The following ATP13A5 variants were observed in gnomAD, a reference collection of about 807,000 sequenced individuals.
ATP13A5 encodes ATPase 13A5.
In ATP13A5, 149 loss-of-function variants were observed where a neutral mutation model predicts 150.2. The ratio of observed to expected loss-of-function variants is 0.99; its 90% CI spans 0.87 to 1.14. ATP13A5 has a LOEUF of 1.14. ATP13A5 is among the 50% of genes most tolerant of loss of function. The pLI is 0.00. For synonymous variants in ATP13A5, 497 were observed against 522.2 expected, an observed-to-expected ratio of 0.95 and a Z score of 0.66; for missense variants, 1,383 against 1,449.3, an observed-to-expected ratio of 0.95 and a Z score of 0.74.
intron 1 of ATP13A5, among the ~76,000 whole-genome samples, chr3:193,365,412 C>T (rs1460320963): frequency 2.0e-5 from 3 of 152,114 alleles, no homozygotes; most frequent in East Asian, 1.9e-4. Context: ...GAGGCAGCCA[C>T]TCTATTTTGA....
chr3:193,284,775 C>T, intron 27 of ATP13A5, 139 bp downstream of exon 27: 1 of 715,702 alleles, frequency 1.4e-6, no homozygotes, highest in South Asian at 2.1e-5. Flanking sequence ...CCAACGATGA[C>T]CACTGCATTC....
rs1339868138 is a variant in ATP13A5 at position 193,362,590 on chromosome 3, C to A, written c.432G>T (p.Leu144=). The A allele has an allele frequency of 6.2e-7, 1 of 1,614,054 alleles. No homozygotes were observed. The highest frequency in any genetic ancestry group is 1.1e-5 in the South Asian group (1 of 91,084). ...VQKIRYVWND[L]EKRFQKVGLL... ...ACCCAACTTTCTGAAACCGCTTCTC[C>A]AGGTCGTTCCAAACATACCTGATTT... The change falls in exon 4 of 30, where the codon CTG becomes CTT. Residue 144 remains leucine (L), a synonymous_variant. Coordinates refer to ENST00000342358, the MANE Select transcript of ATP13A5 (RefSeq NM_198505.4).
chr3:193,336,835 T>C (rs1711887317), intron 9 of ATP13A5, among the ~76,000 whole-genome samples: 1 of 152,222 alleles, frequency 6.6e-6, no homozygotes, highest in African/African-American at 2.4e-5. Context: ...ATGGTTGAAC[T>C]AGTTTACAGT....
In ATP13A5 at chr3:193,342,476, T is replaced by A. The variant is rs111852445; in HGVS notation, c.943+1451A>T. Among the ~76,000 whole-genome samples, 676 of 152,328 alleles carry A rather than the reference T, an allele frequency of 4.4e-3. 4 individuals carry two copies. The highest frequency in any genetic ancestry group is 7.1e-3 in the Admixed American group (108 of 15,292). Reference sequence around the variant, plus strand: ...AGAAATAATGTATTTTTACTTCATGTGTCTGTCTCTGAAACTGGCCTCTAT... The same window carrying A: ...AGAAATAATGTATTTTTACTTCATGAGTCTGTCTCTGAAACTGGCCTCTAT... On this transcript the variant is annotated intron_variant, in intron 9 of 29. Transcript: ENST00000342358.
At chr3:193,344,793 T>G (rs1405934812) in intron 8 of ATP13A5, among the ~76,000 whole-genome samples, 5 of 152,174 alleles carry the variant, frequency 3.3e-5, no homozygotes, top group Non-Finnish European at 4.4e-5. Flanking sequence ...GAGGCCCTTG[T>G]TCTCAGGGCC....
chr3:193,366,562 C>G (rs1463417353), intron 1 of ATP13A5, among the ~76,000 whole-genome samples: 2 of 151,884 alleles, frequency 1.3e-5, no homozygotes, highest in Non-Finnish European at 2.9e-5. Flanking sequence ...ACATAACAAT[C>G]CCAAATTTTT....
At chr3:193,375,038 T>C (rs1007107261) in intron 1 of ATP13A5, among the ~76,000 whole-genome samples, 1 of 152,146 alleles carries the variant, frequency 6.6e-6, no homozygotes, top group Non-Finnish European at 1.5e-5. Context: ...ATTTATTTTC[T>C]TTATGAATCA....
At chr3:193,332,450 AC>A (rs1290452827) in intron 11 of ATP13A5, among the ~76,000 whole-genome samples, 2 of 152,184 alleles carry the variant, frequency 1.3e-5, no homozygotes, top group Non-Finnish European at 2.9e-5. Flanking sequence ...CACAGGGTTG[AC>A]TGATTGATTG....
intron 23 of ATP13A5, among the ~76,000 whole-genome samples, chr3:193,304,725 C>T (rs1308596771): frequency 2.0e-5 from 3 of 152,048 alleles, no homozygotes; most frequent in Non-Finnish European, 4.4e-5. Flanking sequence ...TGAAAATAAA[C>T]GTCTGTTAAT....
chr3:193,361,921 G>T (rs1216727478), intron 5 of ATP13A5, among the ~76,000 whole-genome samples: 1 of 152,064 alleles, frequency 6.6e-6, no homozygotes, highest in Non-Finnish European at 1.5e-5. Flanking sequence ...TCCTACCAAA[G>T]AATCAGGCAC....
At position 193,324,869 on chromosome 3, in the gene ATP13A5, C is replaced by G; in HGVS notation, c.1669G>C (p.Ala557Pro). The change falls in exon 14 of 30, where the codon GCC becomes CCC. Residue 557 changes from alanine to proline, a missense_variant. Ala to Pro is a conservative substitution (Grantham distance 27). Around this residue, in one of 3 missense-constraint regions of ATP13A5, gnomAD observed 787 missense variants for 771.9 expected, o/e 1.02. Transcript: ENST00000342358. The part of the protein sequence containing the change: ...PLDLKMFEGT[A>P]WKMEDCIVDS... ...CCATTAAACTATCACCTTACCCAGG[C>G]AGTGCCCTCAAACATTTTGAGGTCC... 1 of 1,613,788 alleles carries G rather than the reference C, an allele frequency of 6.2e-7. No homozygotes were observed. Among genetic ancestry groups the G allele is most frequent in the Non-Finnish European group, 8.5e-7 (1 of 1,179,858 alleles).
At chr3:193,374,923 T>C (rs1312533121) in intron 1 of ATP13A5, among the ~76,000 whole-genome samples, 2 of 152,190 alleles carry the variant, frequency 1.3e-5, no homozygotes, top group Non-Finnish European at 1.5e-5. Flanking sequence ...TCTCGTGCTC[T>C]CTTGCCCTTT....
intron 18 of ATP13A5, 66 bp from the exon 19 acceptor site, chr3:193,314,259 C>A: frequency 6.6e-7 from 1 of 1,512,436 alleles, no homozygotes; most frequent in Non-Finnish European, 9.0e-7. Flanking sequence ...GAACTGAGGT[C>A]TCCCTTTTCC....
At chr3:193,325,500 A>C (rs1719437352) in intron 13 of ATP13A5, among the ~76,000 whole-genome samples, 2 of 152,204 alleles carry the variant, frequency 1.3e-5, no homozygotes, top group Admixed American at 6.5e-5. Flanking sequence ...TATTACTTGA[A>C]GCCAGCCCAC....
At chr3:193,323,323 C>T (rs1719351077) in intron 14 of ATP13A5, 1 of 152,208 alleles carries the variant, frequency 6.6e-6, no homozygotes, top group South Asian at 2.1e-4. Flanking sequence ...GACAGTTTCC[C>T]TCCTCTGTAT....
intron 9 of ATP13A5, 100 bp downstream of exon 9, chr3:193,343,827 T>A: frequency 7.2e-7 from 1 of 1,392,254 alleles, no homozygotes; most frequent in Non-Finnish European, 9.6e-7. Context: ...CTCACCTATC[T>A]CTGAATATCT....
intron 7 of ATP13A5, among the ~76,000 whole-genome samples, chr3:193,347,731 T>A (rs1402408075): frequency 1.3e-5 from 2 of 152,170 alleles, no homozygotes; most frequent in African/African-American, 2.4e-5. Flanking sequence ...CTGCTCAAGC[T>A]AGTCCCTAGG....
At chr3:193,366,680 A>G (rs1267931507) in intron 1 of ATP13A5, among the ~76,000 whole-genome samples, 1 of 152,066 alleles carries the variant, frequency 6.6e-6, no homozygotes, top group Non-Finnish European at 1.5e-5. Context: ...AATAACCAGC[A>G]GAATAAGCAG....
chr3:193,282,729 C>T (rs961625275), intron 27 of ATP13A5, among the ~76,000 whole-genome samples: 23 of 152,092 alleles, frequency 1.5e-4, no homozygotes, highest in Admixed American at 6.6e-4. Flanking sequence ...GAGAAAACAA[C>T]GAATATTTGC....
Sources: gnomAD v4.1 joint callset for allele counts (sites outside exome capture counted in the v4.1 genomes callset) on GRCh38, gnomAD v4.1.1 for gene constraint, gnomAD v4.1.1 regional missense constraint, MANE v1.5 for transcripts, NCBI Gene and HGNC (gene_info 2026-07-23, HGNC 2026-07-21) for gene names.